The following AFAP1L2 variants were observed in gnomAD, a reference collection of about 807,000 sequenced individuals.
AFAP1L2 encodes actin filament-associated protein 1-like 2.
In AFAP1L2, 46 loss-of-function variants were observed where a neutral mutation model predicts 99.3. The ratio of observed to expected loss-of-function variants is 0.46; its 90% CI spans 0.37 to 0.59. The LOEUF is 0.59. AFAP1L2 is among the 20% of genes least tolerant of loss of function. The pLI is 0.00. For synonymous variants in AFAP1L2, 397 were observed against 419.1 expected (o/e 0.95, Z 0.64); for missense variants, 959 against 1,034.9 (o/e 0.93, Z 1.01).
In AFAP1L2 at chr10:114,300,522, C is replaced by G. The variant is rs1193118779; in HGVS notation, c.1711G>C (p.Ala571Pro). ...TLSCLDNATE[A>P]LPADSGPGPT... ...CCTGGGCCTGAGTCTGCCGGGAGGGCCTCAGTTGCATTGTCCAGGCAGGAC... is the reference window on the plus strand; with the variant it reads ...CCTGGGCCTGAGTCTGCCGGGAGGGGCTCAGTTGCATTGTCCAGGCAGGAC... Residue 571 changes from alanine to proline, a missense_variant, in exon 14 of 19, where the codon GCC (alanine) becomes CCC (proline). Physicochemically the swap from Ala to Pro is conservative, Grantham distance 27 (BLOSUM62 -1). This residue lies in a region of AFAP1L2 where 576 missense variants were observed against 562.1 expected (regional missense o/e 1.02). Transcript: ENST00000304129. 1.2e-6 allele frequency: 2 copies of G among 1,614,088 alleles called. No homozygotes were observed. Among genetic ancestry groups the G allele is most frequent in the South Asian group, 2.2e-5 (2 of 91,058 alleles).
At chr10:114,328,883 T>C (rs1265602251) in intron 4 of AFAP1L2, among the ~76,000 whole-genome samples, 2 of 152,304 alleles carry the variant, frequency 1.3e-5, no homozygotes, top group South Asian at 4.1e-4. Context: ...ACACCACATC[T>C]GGAACACCCT....
Position 114,376,755 on chromosome 10 carries a change from C to G in AFAP1L2, c.16+27685G>C, listed in dbSNP as rs187788848. On this transcript the variant is annotated intron_variant, in intron 1 of 18. Coordinates refer to ENST00000304129, the MANE Select transcript of AFAP1L2 (RefSeq NM_001001936.3). Reference sequence around the variant, plus strand: ...CGTTACATCCAGAACTGTCGACACTCAGTTAAAAACACTCACAATTTCAAC... The same window carrying G: ...CGTTACATCCAGAACTGTCGACACTGAGTTAAAAACACTCACAATTTCAAC... Among the ~76,000 whole-genome samples the G allele has an allele frequency of 1.4e-3, 217 of 152,310 alleles. 1 individual carries two copies. Among genetic ancestry groups the G allele is most frequent in the African/African-American group, 4.8e-3 (200 of 41,558 alleles).
intron 1 of AFAP1L2, among the ~76,000 whole-genome samples, chr10:114,360,485 C>CTAGATAGA (rs367617609): frequency 0.021 from 2,568 of 124,422 alleles, 51 homozygotes; most frequent in South Asian, 0.041. Context: ...ATCTCAATAT[C>CTAGATAGA]TAGATAGATA....
chr10:114,333,239 C>T lies in AFAP1L2; in HGVS notation c.202G>A (p.Ala68Thr). ...CTCATACCTTTGCCTTGAGACTCTG[C>T]ATTCTGTTGCTTGTTGATGGTCACT... ...NKVTINKQQNAESQGKAPEEQ... is the reference protein window; with the variant it reads ...NKVTINKQQNTESQGKAPEEQ... Residue 68 changes from alanine (A) to threonine (T), a missense_variant, in exon 3 of 19, where the codon GCA becomes ACA. By Grantham distance (58) the Ala-to-Thr change is moderately conservative (BLOSUM62 0). This residue lies in a region of AFAP1L2 where 383 missense variants were observed against 472.8 expected (regional missense o/e 0.81). Coordinates refer to ENST00000304129, the MANE Select transcript of AFAP1L2 (RefSeq NM_001001936.3). The T allele has an allele frequency of 6.2e-7, 1 of 1,613,822 alleles. No individual in the cohort carries two copies. The highest frequency in any genetic ancestry group is 8.5e-7 in the Non-Finnish European group (1 of 1,179,954).
At chr10:114,368,111 T>C (rs1298600869) in intron 1 of AFAP1L2, among the ~76,000 whole-genome samples, 1 of 152,188 alleles carries the variant, frequency 6.6e-6, no homozygotes, top group African/African-American at 2.4e-5. Flanking sequence ...ATATACACAA[T>C]GGAATATTAT....
intron 7 of AFAP1L2, among the ~76,000 whole-genome samples, chr10:114,312,966 C>A (rs938266578): frequency 1.3e-5 from 2 of 152,124 alleles, no homozygotes; most frequent in East Asian, 3.8e-4. Flanking sequence ...GTGCCTCAGG[C>A]GGGTACTGAG....
chr10:114,306,529 G>A (rs1590001154), intron 10 of AFAP1L2, among the ~76,000 whole-genome samples: 4 of 151,986 alleles, frequency 2.6e-5, no homozygotes, highest in Admixed American at 2.6e-4. Flanking sequence ...AGGCAATAGC[G>A]TGAAAATGCA....
At chr10:114,293,719 C>A (rs892270544), downstream of AFAP1L2, among the ~76,000 whole-genome samples, 2 of 152,170 alleles carry the variant, frequency 1.3e-5, no homozygotes. Flanking sequence ...TCTGAACGAT[C>A]CTGATTCCAG....
At chr10:114,339,402 G>A (rs976969966) in intron 2 of AFAP1L2, among the ~76,000 whole-genome samples, 2 of 152,106 alleles carry the variant, frequency 1.3e-5, no homozygotes, top group Admixed American at 6.5e-5. Context: ...AGCGGAGATC[G>A]CGCCACAACA....
rs768169573 is a variant in AFAP1L2, at chr10:114,299,395, G to A, written c.1978C>T (p.Arg660Trp). 16 of 1,614,146 alleles carry A rather than the reference G, an allele frequency of 9.9e-6. No homozygotes were observed. Among genetic ancestry groups the A allele is most frequent in the African/African-American group, 2.7e-5 (2 of 75,016 alleles). Residue 660 changes from arginine to tryptophan, a missense_variant, in exon 16 of 19, where the codon CGG (arginine) becomes TGG (tryptophan). Transcript: ENST00000304129. ...TACCGCTTCACCTCAGCTTCTGTCC[G>A]ATTCTTGCCAAGCTTGATCTCTACA... ...TSAEIKLGKN[R>W]TEAEVKRYTE...
chr10:114,288,810 G>A, the AFAP1L2 span: 13 of 866,866 alleles, frequency 1.5e-5, no homozygotes, highest in Non-Finnish European at 2.0e-5. Context: ...AGACATAGAG[G>A]GTGTATTCTG....
chr10:114,304,130 T>C (rs2041715645), intron 11 of AFAP1L2, among the ~76,000 whole-genome samples: 1 of 152,040 alleles, frequency 6.6e-6, no homozygotes, highest in African/African-American at 2.4e-5. Context: ...GAGGGCAGGA[T>C]TGGAGCAAAG....
chr10:114,343,349 G>T (rs1405996850), intron 1 of AFAP1L2, among the ~76,000 whole-genome samples: 2 of 152,190 alleles, frequency 1.3e-5, no homozygotes, highest in Non-Finnish European at 2.9e-5. Flanking sequence ...TGATCACTCT[G>T]CTCCAGACCA....
At chr10:114,400,962 T>C (rs1391151236) in intron 1 of AFAP1L2, among the ~76,000 whole-genome samples, 1 of 152,228 alleles carries the variant, frequency 6.6e-6, no homozygotes, top group Non-Finnish European at 1.5e-5. Flanking sequence ...AGATGATTCC[T>C]GAAGGTAGCA....
chr10:114,349,383 C>CAA (rs113553514), intron 1 of AFAP1L2, among the ~76,000 whole-genome samples: 5,582 of 85,964 alleles, frequency 0.065, 219 homozygotes, highest in Non-Finnish European at 0.095. Context: ...AACTCGGTCT[C>CAA]AAAAAAAAAA....
At chr10:114,344,956 G>A (rs1206907411) in intron 1 of AFAP1L2, among the ~76,000 whole-genome samples, 2 of 152,018 alleles carry the variant, frequency 1.3e-5, no homozygotes, top group African/African-American at 4.8e-5. Flanking sequence ...AACTAGCCAG[G>A]GGTGGTGGCG....
At chr10:114,403,509 C>A (rs996869262) in intron 1 of AFAP1L2, among the ~76,000 whole-genome samples, 1 of 152,156 alleles carries the variant, frequency 6.6e-6, no homozygotes, top group Non-Finnish European at 1.5e-5. Context: ...GGAGACCGGT[C>A]CAGCAAAAGA....
chr10:114,330,773 T>C (rs1227159029), intron 4 of AFAP1L2, among the ~76,000 whole-genome samples: 2 of 152,234 alleles, frequency 1.3e-5, no homozygotes, highest in East Asian at 3.8e-4. Context: ...TCTGTCCATG[T>C]CTGCAGATAC....
intron 1 of AFAP1L2, among the ~76,000 whole-genome samples, chr10:114,368,296 T>C (rs752942913): frequency 2.6e-5 from 4 of 151,836 alleles, no homozygotes; most frequent in Middle Eastern, 3.2e-3. Flanking sequence ...GTGGGGGAAA[T>C]GGAGAGATGC....
Sources: gnomAD v4.1 joint callset for allele counts (sites outside exome capture counted in the v4.1 genomes callset) on GRCh38, gnomAD v4.1.1 for gene constraint, gnomAD v4.1.1 regional missense constraint, MANE v1.5 for transcripts, NCBI Gene and HGNC (gene_info 2026-07-23, HGNC 2026-07-21) for gene names.